Variants in EP400 observed in about 807,000 individuals in gnomAD.
EP400 encodes the protein E1A-binding protein p400.
Under a neutral mutation model 354.1 loss-of-function variants are expected in EP400, and 105 were observed. That is an observed-to-expected ratio of 0.30 (90% confidence interval 0.25 to 0.35). The LOEUF is 0.35. Among genes scored for constraint, EP400 ranks in the 10% least tolerant of loss-of-function variants. The pLI, the probability that EP400 is intolerant of heterozygous loss-of-function variation, is 1.00. For synonymous variants in EP400, 1,646 were observed against 1,716.9 expected, an observed-to-expected ratio of 0.96 and a Z score of 1.02; for missense variants, 3,280 against 4,121.0, an observed-to-expected ratio of 0.80 and a Z score of 5.59.
chr12:131,995,158 T>G (rs1893161863), intron 12 of EP400: 4 of 513,056 alleles, frequency 7.8e-6, no homozygotes, highest in Admixed American at 3.4e-5. Flanking sequence ...CTGCCCTGAC[T>G]GTCTTTCTTC....
chr12:132,064,630 G>T, intron 47 of EP400, 38 bp from the exon 48 acceptor site: 1 of 1,599,536 alleles, frequency 6.3e-7, no homozygotes, highest in South Asian at 1.1e-5. Context: ...ATGGAGCACA[G>T]TTAATGTTGA....
intron 47 of EP400, among the ~76,000 whole-genome samples, chr12:132,064,024 ACC>A (rs61095317): frequency 6.5e-5 from 5 of 76,816 alleles, no homozygotes; most frequent in African/African-American, 1.5e-4. Context: ...ACCACTGATG[ACC>A]CCCCCCCGGC....
In EP400 at chr12:132,050,487, T is replaced by G. The variant is rs1369194612; in HGVS notation, c.7337+28T>G. On this transcript the variant is annotated intron_variant, in intron 40 of 52. Coordinates refer to ENST00000389561, the MANE Select transcript of EP400 (RefSeq NM_015409.5). The surrounding 1 kb of genome is among the most constrained non-coding windows in gnomAD (Gnocchi z 4.8). ...ATGTTTCCTGAGTGCTCATTTTATG[T>G]TCATTATGACTGAGTAGATTGCGTG... 1.2e-6 allele frequency: 2 copies of G among 1,614,064 alleles called. No individual in the cohort carries two copies. The highest frequency in any genetic ancestry group is 1.1e-5 in the South Asian group (1 of 91,060).
chr12:131,979,211 CAA>C (rs1227389562), intron 2 of EP400, among the ~76,000 whole-genome samples: 21 of 76,374 alleles, frequency 2.7e-4, no homozygotes, highest in Admixed American at 2.8e-4. Flanking sequence ...GACTCCGTCT[CAA>C]AAAAAAAAAA....
At chr12:131,950,994 G>A (rs932237759) in intron 1 of EP400, among the ~76,000 whole-genome samples, 4 of 152,014 alleles carry the variant, frequency 2.6e-5, no homozygotes, top group Admixed American at 1.3e-4. Flanking sequence ...CCGCCTCCCA[G>A]GTTCAAGCGA....
In EP400 at chr12:131,960,717, A is replaced by ACCCCCCCCCCCCCC; in HGVS notation, c.101_102insCCCCCCCCCCCCCC (p.Ser37ProfsTer30). The stretch of plus-strand genomic sequence containing the variant: ...GGTGAGGAGCAGCCGGCCCACCCCA[A>ACCCCCCCCCCCCCC]CCCACCCCCGTCCCCCGCAGCTCCC... On this transcript the variant is annotated frameshift_variant, in exon 2 of 53. Coordinates refer to ENST00000389561, the MANE Select transcript of EP400 (RefSeq NM_015409.5). LOFTEE classifies it high-confidence loss of function. 1 of 196,114 alleles carries ACCCCCCCCCCCCCC rather than the reference A, an allele frequency of 5.1e-6. No individual in the cohort carries two copies. The highest frequency in any genetic ancestry group is 9.4e-6 in the Non-Finnish European group (1 of 105,966). The allele number at this position is 196,114 out of a possible 1,614,324, so 12.1% of individuals were successfully genotyped here.
At chr12:131,986,323 T>C (rs1308714637) in intron 5 of EP400, among the ~76,000 whole-genome samples, 191 bp from the exon 6 acceptor site, 3 of 152,182 alleles carry the variant, frequency 2.0e-5, no homozygotes, top group African/African-American at 7.2e-5. Flanking sequence ...TTTGTGGAAG[T>C]GGGAGGATGT....
rs754295781 is a variant in EP400, at chr12:132,044,819, C to T, written c.6650C>T (p.Pro2217Leu). The change falls in exon 37 of 53, where the codon CCG becomes CTG. Residue 2217 changes from proline (P) to leucine (L), a missense_variant. By Grantham distance (98) the Pro-to-Leu change is moderately conservative. Around this residue, in one of 20 missense-constraint regions of EP400, gnomAD observed 231 missense variants for 257.9 expected, o/e 0.90. Coordinates refer to ENST00000389561, the MANE Select transcript of EP400 (RefSeq NM_015409.5). The part of the protein sequence containing the change: ...EVMPLWTPPT[P>L]PQDDSDIYLD... ...ATGCAGCTCTGGACCCCACCCACCC[C>T]GCCGCAGGACGACAGCGACATCTAC... 1.6e-5 allele frequency: 26 copies of T among 1,614,020 alleles called. No homozygotes were observed. The highest frequency in any genetic ancestry group is 6.7e-5 in the Admixed American group (4 of 60,006).
Position 132,028,177 on chromosome 12 carries a change from G to T in EP400, c.5270G>T (p.Arg1757Leu). ...TGGCGTGGGTCCCTGGATGGCCGTC[G>T]TGGGAAGGAGGCCGGGCCAGCGCAC... Reference protein sequence around the residue: ...VQWRGSLDGRRGKEAGPAHSY... With the variant: ...VQWRGSLDGRLGKEAGPAHSY... Residue 1757 changes from arginine (R) to leucine (L), a missense_variant, in exon 27 of 53, where the codon CGT becomes CTT. Physicochemically the swap from Arg to Leu is moderately radical, Grantham distance 102. Transcript: ENST00000389561. 1 of 1,614,174 alleles carries T rather than the reference G, an allele frequency of 6.2e-7. No homozygotes were observed. The highest frequency in any genetic ancestry group is 8.5e-7 in the Non-Finnish European group (1 of 1,180,034).
At position 132,062,314 on chromosome 12, in the gene EP400, G is replaced by A. The variant is rs749644501; in HGVS notation, c.8089G>A (p.Val2697Met). 6.2e-7 allele frequency: 1 copy of A among 1,614,162 alleles called. No homozygotes were observed. Among genetic ancestry groups the A allele is most frequent in the Non-Finnish European group, 8.5e-7 (1 of 1,180,006 alleles). The change falls in exon 46 of 53, where the codon GTG becomes ATG. Residue 2697 changes from valine to methionine, a missense_variant. By Grantham distance (21) the Val-to-Met change is conservative. Around this residue, in one of 20 missense-constraint regions of EP400, gnomAD observed 255 missense variants for 295.9 expected, o/e 0.86. Transcript: ENST00000389561. ...QTPARSLVPQ[V>M]SQATGVQLPG... ...CCCGGCACGGTCTTTGGTGCCCCAA[G>A]TGTCCCAAGGTAAAGCCAGGCTGGG...
At position 131,994,865 on chromosome 12, in the gene EP400, A is replaced by G. The variant is rs757495558; in HGVS notation, c.2738-2A>G. ...AGTGACACTTGCTGATAACCATTTT[A>G]GTGGACGATGAAGAGGAAACAATTG... On this transcript the variant is annotated splice_acceptor_variant, in intron 11 of 52. Coordinates refer to ENST00000389561, the MANE Select transcript of EP400 (RefSeq NM_015409.5). LOFTEE classifies it high-confidence loss of function. This position sits in a 1 kb window ranked among gnomAD's most constrained non-coding sequence, Gnocchi z 4.6. 6.2e-7 allele frequency: 1 copy of G among 1,613,836 alleles called. No individual in the cohort carries two copies. Among genetic ancestry groups the G allele is most frequent in the Non-Finnish European group, 8.5e-7 (1 of 1,179,886 alleles).
At chr12:131,950,885 C>A (rs992175759) in intron 1 of EP400, among the ~76,000 whole-genome samples, 1 of 152,140 alleles carries the variant, frequency 6.6e-6, no homozygotes, top group Non-Finnish European at 1.5e-5. Flanking sequence ...CCATGCCCGG[C>A]TCACTTTTTA....
Position 131,994,392 on chromosome 12 carries a change from C to A in EP400, c.2738-475C>A, listed in dbSNP as rs1484784120. On this transcript the variant is annotated intron_variant, in intron 11 of 52. Coordinates refer to ENST00000389561, the MANE Select transcript of EP400 (RefSeq NM_015409.5). This position sits in a 1 kb window ranked among gnomAD's most constrained non-coding sequence, Gnocchi z 4.6. Reference sequence around the variant, plus strand: ...TCTTTTCTCTGCCAGGAGCCAAGATCTCTATGGCGAGTGAGGCGTGAGGTT... The same window carrying A: ...TCTTTTCTCTGCCAGGAGCCAAGATATCTATGGCGAGTGAGGCGTGAGGTT... Among the ~76,000 whole-genome samples, 2 of 152,092 alleles carry A rather than the reference C, an allele frequency of 1.3e-5. No homozygotes were observed. The highest frequency in any genetic ancestry group is 2.9e-5 in the Non-Finnish European group (2 of 68,010).
Position 131,987,900 on chromosome 12 carries a change from A to C in EP400, c.2409+10A>C, listed in dbSNP as rs1258514081. 1 of 1,592,638 alleles carries C rather than the reference A, an allele frequency of 6.3e-7. No individual in the cohort carries two copies. Among genetic ancestry groups the C allele is most frequent in the Non-Finnish European group, 8.6e-7 (1 of 1,168,054 alleles). On this transcript the variant is annotated intron_variant, in intron 7 of 52. Transcript: ENST00000389561. ...GGCTGCTGCGAAGAAGGTGGGTTGG[A>C]ATGCGTGGAGCTGCTGTGCTGTGTG...
intron 1 of EP400, among the ~76,000 whole-genome samples, chr12:131,957,521 CTT>C (rs1216772545): frequency 2.5e-5 from 3 of 120,516 alleles, no homozygotes; most frequent in Non-Finnish European, 5.3e-5. Flanking sequence ...ATTTTTCTTT[CTT>C]TCTTTTTTTT....
chr12:131,978,007 T>C (rs1177257890), intron 2 of EP400, among the ~76,000 whole-genome samples: 1 of 152,212 alleles, frequency 6.6e-6, no homozygotes, highest in Non-Finnish European at 1.5e-5. Flanking sequence ...AGGAATAATT[T>C]AGCAACTAGT....
rs1390549110 is a variant in EP400, at chr12:132,062,335, C to G, written c.8098+12C>G. ...CCAAGTGTCCCAAGGTAAAGCCAGGCTGGGAGCTTTCTCTGCCACACGTCT... is the reference window on the plus strand; with the variant it reads ...CCAAGTGTCCCAAGGTAAAGCCAGGGTGGGAGCTTTCTCTGCCACACGTCT... On this transcript the variant is annotated intron_variant, in intron 46 of 52. Transcript: ENST00000389561. 1 of 1,613,732 alleles carries G rather than the reference C, an allele frequency of 6.2e-7. No individual in the cohort carries two copies. Among genetic ancestry groups the G allele is most frequent in the South Asian group, 1.1e-5 (1 of 91,078 alleles).
rs939902485 is a variant in EP400, at chr12:132,038,564, C to T, written c.6207+468C>T. ...GTATAAGAAAGAACACAGACTATCA[C>T]GTTGATACTTTTGAGTGTTGACTAC... On this transcript the variant is annotated intron_variant, in intron 32 of 52. Transcript: ENST00000389561. The surrounding 1 kb of genome is among the most constrained non-coding windows in gnomAD (Gnocchi z 4.2). Among the ~76,000 whole-genome samples, 1 of 152,192 alleles carries T rather than the reference C, an allele frequency of 6.6e-6. No homozygotes were observed. The highest frequency in any genetic ancestry group is 2.4e-5 in the African/African-American group (1 of 41,432).
In EP400 at chr12:132,018,884, A is replaced by G. The variant is rs1441118157; in HGVS notation, c.4277+508A>G. Among the ~76,000 whole-genome samples the G allele has an allele frequency of 2.0e-5, 3 of 152,256 alleles. No homozygotes were observed. The highest frequency in any genetic ancestry group is 7.2e-5 in the African/African-American group (3 of 41,472). ...TAAATCTAGCAATTGGAAATATCCA[A>G]AATCCTATGCTTGGGTTAAAAAGAA... On this transcript the variant is annotated intron_variant, in intron 21 of 52. Transcript: ENST00000389561. The surrounding 1 kb of genome is among the most constrained non-coding windows in gnomAD (Gnocchi z 4.0).
Sources: gnomAD v4.1 joint callset for allele counts (sites outside exome capture counted in the v4.1 genomes callset) on GRCh38, gnomAD v4.1.1 for gene constraint, gnomAD v4.1.1 regional missense constraint, Gnocchi (gnomAD v3.1) non-coding constraint, MANE v1.5 for transcripts, NCBI Gene and HGNC (gene_info 2026-07-23, HGNC 2026-07-21) for gene names.